CDK11B: variants seen among roughly 807,000 people sequenced by gnomAD.
CDK11B encodes cyclin dependent kinase 11B.
In CDK11B, 37 loss-of-function variants were observed where a neutral mutation model predicts 84.0. The observed-to-expected ratio is 0.44, with a 90% CI of 0.34 to 0.58. The LOEUF (loss-of-function observed/expected upper bound fraction) is 0.58, where lower values mean the gene tolerates loss of function less well. CDK11B is among the 20% of genes least tolerant of loss of function. The probability of loss-of-function intolerance (pLI) is 0.02; values close to 1 mark genes in which losing one functional copy is unlikely to be tolerated. For missense variants in CDK11B, 427 were observed against 834.0 expected (o/e 0.51, Z 6.01); for synonymous variants, 269 against 309.8 (o/e 0.87, Z 1.38).
chr1:1,653,265 C>T (rs1014362282), intron 3 of CDK11B, among the ~76,000 whole-genome samples: 3 of 151,792 alleles, frequency 2.0e-5, no homozygotes, highest in African/African-American at 7.3e-5. Flanking sequence ...CATCATGATC[C>T]ACCCACCTCG....
chr1:1,652,477 T>C lies in CDK11B; in HGVS notation c.317A>G (p.Lys106Arg). 1.3e-6 allele frequency: 2 copies of C among 1,508,552 alleles called. No individual in the cohort carries two copies. The highest frequency in any genetic ancestry group is 1.7e-4 in the Middle Eastern group (1 of 5,732). The allele number at this position is 1,508,552 out of a possible 1,614,324, so 93.4% of individuals were successfully genotyped here. Residue 106 changes from lysine to arginine, a missense_variant, in exon 4 of 20, where the codon AAA becomes AGA. By Grantham distance (26) the Lys-to-Arg change is conservative. Around this residue, in one of 12 missense-constraint regions of CDK11B, gnomAD observed 9 missense variants for 35.4 expected, o/e 0.25. Transcript: ENST00000341832. ...KAHHRKDEKRKEKRRHRSHSA... is the reference protein window; with the variant it reads ...KAHHRKDEKRREKRRHRSHSA... ...ATGGCTACGATGCCTACGTTTCTCT[T>C]TTCTCTTTTCATCTTTTCTGTGATG...
rs1373787605 is a variant in CDK11B at position 1,652,554 on chromosome 1, ATCT to A, written c.237_239del (p.Glu79del). Reference sequence around the variant, plus strand: ...GGGGTGGTTTGATGGCCAAAGAATCATCTTCTTCTCCTCTGAAATAAAACACAA... The same window carrying A: ...GGGGTGGTTTGATGGCCAAAGAATCATCTTCTCCTCTGAAATAAAACACAA... On this transcript the variant is annotated inframe_deletion, in exon 4 of 20. Transcript: ENST00000341832. The A allele has an allele frequency of 1.4e-6, 2 of 1,472,710 alleles. No individual in the cohort carries two copies. Among genetic ancestry groups the A allele is most frequent in the South Asian group, 1.6e-5 (1 of 64,342 alleles). 91.2% of individuals were successfully genotyped at this position (1,472,710 alleles called of 1,614,324 possible).
At chr1:1,646,642 C>T in intron 5 of CDK11B, 1 of 517,294 alleles carries the variant, frequency 1.9e-6, no homozygotes, top group Admixed American at 1.9e-5. Flanking sequence ...AAGTTACCGT[C>T]TGGTGTCATT....
intron 3 of CDK11B, among the ~76,000 whole-genome samples, chr1:1,654,605 G>A (rs1334136099): frequency 6.7e-5 from 10 of 149,574 alleles, no homozygotes; most frequent in African/African-American, 2.2e-4. Flanking sequence ...TCTCATCAGC[G>A]GCCCTCCTCA....
At chr1:1,656,751 CA>C (rs1330232960) in intron 2 of CDK11B, among the ~76,000 whole-genome samples, 1 of 150,198 alleles carries the variant, frequency 6.7e-6, no homozygotes, top group African/African-American at 2.4e-5. Context: ...GTCTCAAAAA[CA>C]AAAAAAAAGC....
At position 1,652,441 on chromosome 1, in the gene CDK11B, C is replaced by T; in HGVS notation, c.353G>A (p.Gly118Glu). The T allele has an allele frequency of 2.7e-6, 4 of 1,499,550 alleles. No individual in the cohort carries two copies. The highest frequency in any genetic ancestry group is 2.6e-6 in the Non-Finnish European group (3 of 1,133,942). 92.9% of individuals were successfully genotyped at this position (1,499,550 alleles called of 1,614,324 possible). The part of the protein sequence containing the change: ...KRRHRSHSAE[G>E]GKHARVKEKE... ...AAAGAAAGTAAATGCTTCTGTACCC[C>T]CTTCTGCTGAATGGCTACGATGCCT... The change falls in exon 4 of 20, where the codon GGG (glycine) becomes GAG (glutamate). Residue 118 changes from glycine (G) to glutamate (E), a missense_variant and splice_region_variant. Coordinates refer to ENST00000341832, the MANE Select transcript of CDK11B (RefSeq NM_033486.3).
chr1:1,637,557 C>G, intron 13 of CDK11B, 44 bp from the exon 14 acceptor site: 2 of 1,609,030 alleles, frequency 1.2e-6, no homozygotes, highest in Non-Finnish European at 1.7e-6. Context: ...TCCAGGCCCC[C>G]ACCCACCCCT....
intron 3 of CDK11B, among the ~76,000 whole-genome samples, chr1:1,653,093 C>T (rs1642217765): frequency 6.6e-6 from 1 of 152,104 alleles, no homozygotes; most frequent in Non-Finnish European, 1.5e-5. Context: ...GATCTCGGCT[C>T]ATTGCAACCT....
intron 3 of CDK11B, 120 bp downstream of exon 3, chr1:1,655,249 C>A: frequency 7.9e-7 from 1 of 1,268,672 alleles, no homozygotes; most frequent in Non-Finnish European, 1.1e-6. Flanking sequence ...CACAGTAACT[C>A]TAGGAAAGAG....
Position 1,640,264 on chromosome 1 carries a change from G to C in CDK11B, c.1251+13C>G. On this transcript the variant is annotated intron_variant, in intron 11 of 19. Transcript: ENST00000341832. The stretch of plus-strand genomic sequence containing the variant: ...AATGCGGACAGTGGCCCGGGGCGAG[G>C]GGAGGGCCTGACCTGCAGGGCCGGC... 1 of 1,612,834 alleles carries C rather than the reference G, an allele frequency of 6.2e-7. No homozygotes were observed. Among genetic ancestry groups the C allele is most frequent in the Non-Finnish European group, 8.5e-7 (1 of 1,179,336 alleles).
In CDK11B at chr1:1,649,591, C is replaced by T; in HGVS notation, c.402G>A (p.Arg134=). The T allele has an allele frequency of 6.2e-7, 1 of 1,608,456 alleles. No homozygotes were observed. Among genetic ancestry groups the T allele is most frequent in the Non-Finnish European group, 8.5e-7 (1 of 1,174,998 alleles). ...VKEKEREHER[R]KRHREEQDKA... Reference sequence around the variant, plus strand: ...TATCCTGTTCTTCTCGATGCCGTTTCCGACGTTCGTGCTCTCTTTCTTTTT... The same window carrying T: ...TATCCTGTTCTTCTCGATGCCGTTTTCGACGTTCGTGCTCTCTTTCTTTTT... Residue 134 remains arginine (R), a synonymous_variant, in exon 5 of 20, where the codon CGG becomes CGA. Transcript: ENST00000341832.
At chr1:1,637,385 A>G in intron 14 of CDK11B, 23 bp downstream of exon 14, 8 of 1,609,544 alleles carry the variant, frequency 5.0e-6, no homozygotes, top group Non-Finnish European at 5.1e-6. Context: ...GTACGCAGAC[A>G]GGCCCCTGGG....
chr1:1,651,612 C>T (rs1406483511), intron 4 of CDK11B, among the ~76,000 whole-genome samples: 2 of 150,984 alleles, frequency 1.3e-5, no homozygotes, highest in Non-Finnish European at 2.9e-5. Context: ...GGGACACATG[C>T]ATGCTTTTAG....
chr1:1,637,182 T>C lies in CDK11B; in HGVS notation c.1591A>G (p.Ile531Val), dbSNP rs1639468903. The C allele has an allele frequency of 6.2e-7, 1 of 1,613,464 alleles. No individual in the cohort carries two copies. The highest frequency in any genetic ancestry group is 2.2e-5 in the East Asian group (1 of 44,860). ...FLPGEVKTLM[I>V]QLLRGVKHLH... ...TGTTTCACCCCACGCAGCAGCTGGATCATCAGGGTCTTCACCTCCCCTGGG... is the reference window on the plus strand; with the variant it reads ...TGTTTCACCCCACGCAGCAGCTGGACCATCAGGGTCTTCACCTCCCCTGGG... The change falls in exon 15 of 20, where the codon ATC becomes GTC. Residue 531 changes from isoleucine (I) to valine (V), a missense_variant. Physicochemically the swap from Ile to Val is conservative, Grantham distance 29 (BLOSUM62 3). Coordinates refer to ENST00000341832, the MANE Select transcript of CDK11B (RefSeq NM_033486.3).
chr1:1,640,225 T>A (rs1640058812), intron 11 of CDK11B, 52 bp downstream of exon 11: 1 of 1,601,194 alleles, frequency 6.2e-7, no homozygotes, highest in Non-Finnish European at 8.5e-7. Context: ...GCCCCTGTGG[T>A]AACTCCGACT....
chr1:1,655,242 AGT>A (rs1272543081), intron 3 of CDK11B, 125 bp downstream of exon 3: 1 of 1,182,870 alleles, frequency 8.5e-7, no homozygotes, highest in Admixed American at 2.9e-5. Context: ...GCTATGTCAC[AGT>A]AACTCTAGGA....
Position 1,655,398 on chromosome 1 carries a change from C to A in CDK11B, c.198G>T (p.Pro66=). The A allele has an allele frequency of 6.2e-7, 1 of 1,613,608 alleles. No homozygotes were observed. The highest frequency in any genetic ancestry group is 8.5e-7 in the Non-Finnish European group (1 of 1,179,636). ...HRMEITIRNS[P]YRREDSMEDR... ...CTTCCATAGAGTCTTCTCTTCTATA[C>A]GGGGAGTTCCTTATTGTGATCTCCA... The change falls in exon 3 of 20, where the codon CCG becomes CCT. Residue 66 remains proline (P), a synonymous_variant. Transcript: ENST00000341832.
At position 1,637,698 on chromosome 1, in the gene CDK11B, A is replaced by G. The variant is rs954543449; in HGVS notation, c.1464+64T>C. ...AGTGTAGGAAGCACCCGGCCCCAGG[A>G]CAGCACGGGGCCCTGTCAGAAAAGC... is the stretch of plus-strand genomic sequence containing the variant. On this transcript the variant is annotated intron_variant, in intron 13 of 19. Transcript: ENST00000341832. 1.3e-5 allele frequency: 21 copies of G among 1,612,928 alleles called. No individual in the cohort carries two copies. In the African/African-American group the frequency reaches 2.3e-4, roughly 17 times the overall value.
In CDK11B at chr1:1,641,133, T is replaced by A. The variant is rs760013620; in HGVS notation, c.1010-20A>T. ...CTTCTTCTGCAAGAGAAAGGAGGCG[T>A]CTGCTCAGACCAGCACCGGGGCGAG... is the stretch of plus-strand genomic sequence containing the variant. On this transcript the variant is annotated intron_variant, in intron 9 of 19. Coordinates refer to ENST00000341832, the MANE Select transcript of CDK11B (RefSeq NM_033486.3). 1.9e-6 allele frequency: 3 copies of A among 1,554,768 alleles called. No homozygotes were observed. The highest frequency in any genetic ancestry group is 2.6e-6 in the Non-Finnish European group (3 of 1,142,974).
Sources: gnomAD v4.1 joint callset for allele counts (sites outside exome capture counted in the v4.1 genomes callset) on GRCh38, gnomAD v4.1.1 for gene constraint, gnomAD v4.1.1 regional missense constraint, MANE v1.5 for transcripts, NCBI Gene and HGNC (gene_info 2026-07-23, HGNC 2026-07-21) for gene names.